AMZ1: variants seen among roughly 807,000 people sequenced by gnomAD.
AMZ1 encodes the protein archaemetzincin-1.
Under a neutral mutation model 29.9 loss-of-function variants are expected in AMZ1, and 39 were observed. The ratio of observed to expected loss-of-function variants is 1.30; its 90% confidence interval spans 1.01 to 1.70. The LOEUF (loss-of-function observed/expected upper bound fraction) is 1.70, where lower values mean the gene tolerates loss of function less well. AMZ1 is among the 40% of genes most tolerant of loss of function. The probability of loss-of-function intolerance (pLI) is 0.00; values close to 1 mark genes in which losing one functional copy is unlikely to be tolerated. For missense variants in AMZ1, 1,041 were observed against 680.6 expected (o/e 1.53, Z -5.89); for synonymous variants, 458 against 304.0 (o/e 1.51, Z -5.27).
intron 3 of AMZ1, 93 bp from the exon 4 acceptor site, chr7:2,708,495 C>T (rs1017956632): frequency 1.3e-6 from 2 of 1,560,442 alleles, no homozygotes; most frequent in Admixed American, 1.8e-5. Context: ...AGGGCCCAGG[C>T]AGAGGAAGAG....
upstream of AMZ1, among the ~76,000 whole-genome samples, chr7:2,763,989 G>A (rs1348211713): frequency 2.0e-5 from 3 of 152,186 alleles, no homozygotes; most frequent in Non-Finnish European, 2.9e-5. Flanking sequence ...AACAGGGTAC[G>A]CACCTAAAGT....
chr7:2,749,879 A>G (rs1046105407), intron 4 of AMZ1, among the ~76,000 whole-genome samples: 1 of 152,184 alleles, frequency 6.6e-6, no homozygotes, highest in Non-Finnish European at 1.5e-5. Context: ...AAGAGAAAAA[A>G]GATAAAGAAT....
chr7:2,694,497 T>C (rs888285145), intron 1 of AMZ1, among the ~76,000 whole-genome samples: 20 of 152,160 alleles, frequency 1.3e-4, no homozygotes, highest in African/African-American at 4.6e-4. Context: ...ATGAGGTCTA[T>C]GTTGCCCAGG....
chr7:2,739,346 G>A (rs1348144848), intron 4 of AMZ1, among the ~76,000 whole-genome samples: 2 of 152,164 alleles, frequency 1.3e-5, no homozygotes, highest in Non-Finnish European at 2.9e-5. Flanking sequence ...GGATTTGCCG[G>A]TTCTGGATCT....
chr7:2,730,609 A>G (rs908123120), intron 4 of AMZ1: 3 of 152,596 alleles, frequency 2.0e-5, no homozygotes, highest in East Asian at 1.9e-4. Flanking sequence ...TGAAAAGGCA[A>G]CGTGCTCCCT....
chr7:2,708,932 A>T, intron 4 of AMZ1, 143 bp from the exon 5 acceptor site: 7 of 1,277,406 alleles, frequency 5.5e-6, no homozygotes, highest in Non-Finnish European at 7.5e-6. Flanking sequence ...GCCCAACTTC[A>T]TGTGGGCAGG....
downstream of AMZ1, among the ~76,000 whole-genome samples, chr7:2,722,030 A>C (rs920551569): frequency 3.9e-5 from 6 of 152,162 alleles, no homozygotes; most frequent in Admixed American, 2.0e-4. Flanking sequence ...TGCACAGAGC[A>C]CTCGGTTCCT....
chr7:2,721,198 G>A (rs1274677874), downstream of AMZ1, among the ~76,000 whole-genome samples: 1 of 152,208 alleles, frequency 6.6e-6, no homozygotes, highest in African/African-American at 2.4e-5. Flanking sequence ...GGATGGAAAG[G>A]CCAGGGGAGG....
downstream of AMZ1, among the ~76,000 whole-genome samples, chr7:2,719,734 G>A (rs1789339445): frequency 6.7e-6 from 1 of 149,814 alleles, no homozygotes; most frequent in Admixed American, 6.6e-5. Context: ...AGCCTGGAGT[G>A]CAATGGTGTG....
chr7:2,756,968 G>A (rs1174383215), intron 4 of AMZ1, among the ~76,000 whole-genome samples: 1 of 152,124 alleles, frequency 6.6e-6, no homozygotes, highest in Non-Finnish European at 1.5e-5. Context: ...CAGCTACTCA[G>A]GAGGCTGAAG....
rs186408534 is a variant in AMZ1, at chr7:2,750,551, A to C, written n.551-14161A>C. Among the ~76,000 whole-genome samples the C allele has an allele frequency of 1.2e-3, 178 of 152,330 alleles. 2 individuals are homozygous for C. The highest frequency in any genetic ancestry group is 4.0e-3 in the African/African-American group (167 of 41,574). ...AGTTAGGCAGAGTAAGGTTAACAATAAAACAGAACAATTGTAACAACACAC... is the reference window on the plus strand; with the variant it reads ...AGTTAGGCAGAGTAAGGTTAACAATCAAACAGAACAATTGTAACAACACAC... On this transcript the variant is annotated intron_variant and non_coding_transcript_variant, in intron 4 of 4. Transcript: ENST00000489665.
intron 4 of AMZ1, among the ~76,000 whole-genome samples, chr7:2,740,036 A>C (rs889534175): frequency 6.6e-6 from 1 of 152,182 alleles, no homozygotes; most frequent in Non-Finnish European, 1.5e-5. Context: ...CGGCGGCTGC[A>C]CAAGTTTACA....
downstream of AMZ1, among the ~76,000 whole-genome samples, chr7:2,722,752 C>T (rs798545): frequency 0.25 from 37,880 of 152,072 alleles, 5,227 homozygotes; most frequent in Non-Finnish European, 0.29. Context: ...GTGGGAGGAT[C>T]ACTTGAGGCC....
chr7:2,747,773 C>A (rs1278630568), intron 4 of AMZ1, among the ~76,000 whole-genome samples: 1 of 152,150 alleles, frequency 6.6e-6, no homozygotes, highest in East Asian at 1.9e-4. Context: ...ATCTAGAAAA[C>A]CCCATCATCT....
chr7:2,742,194 G>T (rs1414085613), intron 4 of AMZ1, among the ~76,000 whole-genome samples: 2 of 151,784 alleles, frequency 1.3e-5, no homozygotes, highest in Admixed American at 6.6e-5. Context: ...GCTAATTTTT[G>T]TATTTTTACT....
At chr7:2,740,635 G>T (rs1194992002) in intron 4 of AMZ1, among the ~76,000 whole-genome samples, 1 of 152,184 alleles carries the variant, frequency 6.6e-6, no homozygotes, top group East Asian at 1.9e-4. Context: ...CAAAGATGGT[G>T]AAATGTAAAC....
rs1336969993 is a variant in AMZ1, at chr7:2,718,795, G to A, written c.*5917G>A. The stretch of plus-strand genomic sequence containing the variant: ...GGCCGAGCTGCGTCCGGCTCTCAGG[G>A]ACTTCCTCTCCCTGTGCTCTGCCCA... On this transcript the variant is annotated 3_prime_UTR_variant, in exon 7 of 7. Coordinates refer to ENST00000683327, the MANE Select transcript of AMZ1 (RefSeq NM_001384743.1). Among the ~76,000 whole-genome samples, 1 of 152,176 alleles carries A rather than the reference G, an allele frequency of 6.6e-6. No homozygotes were observed. Among genetic ancestry groups the A allele is most frequent in the Non-Finnish European group, 1.5e-5 (1 of 68,042 alleles).
chr7:2,762,633 A>T (rs1357099510), upstream of AMZ1: 5 of 1,587,872 alleles, frequency 3.1e-6, no homozygotes, highest in African/African-American at 4.0e-5. Context: ...CCCCAATGCC[A>T]TGAAGCACAG....
At chr7:2,689,121 C>G (rs1461084231) in intron 1 of AMZ1, among the ~76,000 whole-genome samples, 1 of 152,266 alleles carries the variant, frequency 6.6e-6, no homozygotes, top group African/African-American at 2.4e-5. Context: ...ATCCGTCCGT[C>G]TGGTTCTGCC....
Sources: gnomAD v4.1 joint callset for allele counts (sites outside exome capture counted in the v4.1 genomes callset) on GRCh38, gnomAD v4.1.1 for gene constraint, MANE v1.5 for transcripts, NCBI Gene and HGNC (gene_info 2026-07-23, HGNC 2026-07-21) for gene names.